FAR2: variants seen among roughly 807,000 people sequenced by gnomAD.
FAR2 encodes the protein epididymis secretory protein Li 81.
A neutral mutation model predicts 56.0 loss-of-function variants in FAR2; 19 were observed. That is an observed-to-expected ratio of 0.34 (90% CI 0.24 to 0.50). The LOEUF is 0.50. Among genes scored for constraint, FAR2 ranks in the 20% least tolerant of loss-of-function variants. The pLI is 0.98. For synonymous variants in FAR2, 219 were observed against 218.8 expected, an observed-to-expected ratio of 1.00 and a Z score of -0.01; for missense variants, 508 against 642.2, an observed-to-expected ratio of 0.79 and a Z score of 2.26.
At chr12:29,289,546 G>A (rs1948928793) in intron 2 of FAR2, among the ~76,000 whole-genome samples, 1 of 152,120 alleles carries the variant, frequency 6.6e-6, no homozygotes, top group Admixed American at 6.5e-5. Flanking sequence ...AAATCAAAAT[G>A]GATTAAAGAC....
At chr12:29,299,384 T>C (rs1949124049) in intron 4 of FAR2, among the ~76,000 whole-genome samples, 1 of 152,110 alleles carries the variant, frequency 6.6e-6, no homozygotes, top group Non-Finnish European at 1.5e-5. Flanking sequence ...GAGGAAGAGC[T>C]GATTTATCTT....
chr12:29,315,429 A>C (rs1248718309), intron 8 of FAR2, among the ~76,000 whole-genome samples: 2 of 152,160 alleles, frequency 1.3e-5, no homozygotes, highest in Non-Finnish European at 2.9e-5. Flanking sequence ...AAATGAGATG[A>C]GATTCCACTG....
intron 1 of FAR2, among the ~76,000 whole-genome samples, chr12:29,218,451 C>A (rs1565475429): frequency 1.3e-5 from 2 of 151,444 alleles, no homozygotes; most frequent in African/African-American, 4.8e-5. Flanking sequence ...ATGATCCCAA[C>A]TGAAGCAAGG....
At chr12:29,278,252 T>A (rs1591921484) in intron 2 of FAR2, among the ~76,000 whole-genome samples, 1 of 151,920 alleles carries the variant, frequency 6.6e-6, no homozygotes, top group East Asian at 2.0e-4. Flanking sequence ...TCAATAGTTT[T>A]AATAAAATAT....
intron 1 of FAR2, among the ~76,000 whole-genome samples, chr12:29,265,203 G>C (rs1285941589): frequency 6.6e-6 from 1 of 152,140 alleles, no homozygotes; most frequent in Non-Finnish European, 1.5e-5. Context: ...AACCACAAAA[G>C]ACCCAGATCT....
intron 1 of FAR2, among the ~76,000 whole-genome samples, chr12:29,247,088 G>T (rs1178205637): frequency 6.6e-6 from 1 of 152,096 alleles, no homozygotes; most frequent in Non-Finnish European, 1.5e-5. Context: ...CTAAGAGACT[G>T]CCAATTTATT....
intron 11 of FAR2, chr12:29,333,404 T>C (rs546024164): frequency 3.3e-4 from 158 of 473,258 alleles, no homozygotes; most frequent in African/African-American, 2.5e-3. Flanking sequence ...TAGTTTCAAG[T>C]GGAGAGAGGT....
At chr12:29,232,594 G>A (rs1334559496) in intron 1 of FAR2, among the ~76,000 whole-genome samples, 15 of 152,032 alleles carry the variant, frequency 9.9e-5, no homozygotes, top group Admixed American at 9.8e-4. Flanking sequence ...AGGGTGTTCA[G>A]CATTTTCTTG....
intron 1 of FAR2, among the ~76,000 whole-genome samples, chr12:29,185,465 AT>A (rs963243095): frequency 4.1e-4 from 62 of 152,370 alleles, no homozygotes; most frequent in African/African-American, 1.4e-3. Flanking sequence ...CACCAGAAAA[AT>A]AAACTTCATA....
chr12:29,258,376 G>A (rs559866696), intron 1 of FAR2, among the ~76,000 whole-genome samples: 8 of 151,920 alleles, frequency 5.3e-5, no homozygotes, highest in South Asian at 4.2e-4. Flanking sequence ...CAAAAAAATC[G>A]CAGGGATATG....
At chr12:29,273,468 G>A (rs1948653183) in intron 2 of FAR2, among the ~76,000 whole-genome samples, 2 of 152,336 alleles carry the variant, frequency 1.3e-5, no homozygotes, top group South Asian at 2.1e-4. Context: ...GTGTAGGGCT[G>A]TGGGGACAAG....
intron 1 of FAR2, among the ~76,000 whole-genome samples, chr12:29,182,424 A>G (rs1278293583): frequency 6.6e-6 from 1 of 152,122 alleles, no homozygotes; most frequent in African/African-American, 2.4e-5. Context: ...ATTTTTACAC[A>G]GTGCTGGTTG....
At chr12:29,257,736 G>A (rs928537314) in intron 1 of FAR2, among the ~76,000 whole-genome samples, 24 of 152,032 alleles carry the variant, frequency 1.6e-4, no homozygotes, top group African/African-American at 5.6e-4. Flanking sequence ...GCGAGACCAC[G>A]AACCCACCAG....
In FAR2 at chr12:29,298,036, C is replaced by CA. The variant is rs71042980; in HGVS notation, c.545+856dup. ...GGGCAACAAGAGTGAAACTCCGTCT[C>CA]AAAAAAAAAAAAAAAAAAAAGAACT... is the stretch of plus-strand genomic sequence containing the variant. On this transcript the variant is annotated intron_variant, in intron 4 of 11. Transcript: ENST00000536681. Among the ~76,000 whole-genome samples, 266 of 123,472 alleles carry CA rather than the reference C, an allele frequency of 2.2e-3. 2 individuals carry two copies. Among genetic ancestry groups the CA allele is most frequent in the Middle Eastern group, 0.013 (3 of 224 alleles). 81.0% of individuals were successfully genotyped at this position (123,472 alleles called of 152,430 possible).
At position 29,180,826 on chromosome 12, in the gene FAR2, G is replaced by C. The variant is rs569674207; in HGVS notation, c.-39+31419G>C. Among the ~76,000 whole-genome samples the C allele has an allele frequency of 4.0e-5, 6 of 151,602 alleles. No individual in the cohort carries two copies. The South Asian group carries it at 1.3e-3, about 32-fold the overall frequency. ...CCATTCATACTCACAAAATATAAAA[G>C]CCTGAAAACCTCCAGATTGCCTGAG... is the stretch of plus-strand genomic sequence containing the variant. On this transcript the variant is annotated intron_variant, in intron 1 of 11. Coordinates refer to ENST00000536681, the MANE Select transcript of FAR2 (RefSeq NM_001271783.2).
At chr12:29,225,475 G>T (rs1434151541) in intron 1 of FAR2, among the ~76,000 whole-genome samples, 1 of 152,076 alleles carries the variant, frequency 6.6e-6, no homozygotes, top group Non-Finnish European at 1.5e-5. Context: ...TGTTGTTGTT[G>T]ATCAAAGCTT....
chr12:29,186,766 ATTTATTTATTTATTTAT>A lies in FAR2; in HGVS notation c.-39+37362_-39+37378del, dbSNP rs1950047103. 3.7e-3 allele frequency among the ~76,000 whole-genome samples: 61 copies of A among 16,674 alleles called. No homozygotes were observed. The East Asian group carries it at 0.085, about 23-fold the overall frequency. The allele number at this position is 16,674 out of a possible 152,430, so 10.9% of individuals were successfully genotyped here. On this transcript the variant is annotated intron_variant, in intron 1 of 11. Coordinates refer to ENST00000536681, the MANE Select transcript of FAR2 (RefSeq NM_001271783.2). The stretch of plus-strand genomic sequence containing the variant: ...TTAGTTCTTTATTTATTATTTATTT[ATTTATTTATTTATTTAT>A]TTATTTATTTATTTATTTATTTTGA...
chr12:29,154,421 TTTTTGTTTTG>T (rs5797306), intron 1 of FAR2, among the ~76,000 whole-genome samples: 18,112 of 150,212 alleles, frequency 0.12, 1,097 homozygotes, highest in African/African-American at 0.16. Context: ...TTTGTTTTTT[TTTTTGTTTTG>T]TTTTGTTTTG....
intron 1 of FAR2, among the ~76,000 whole-genome samples, chr12:29,190,354 G>A (rs1260385483): frequency 2.0e-5 from 3 of 151,102 alleles, no homozygotes; most frequent in Non-Finnish European, 4.4e-5. Flanking sequence ...TGAGTCCCAA[G>A]ACAAGACACT....
Sources: gnomAD v4.1 joint callset for allele counts (sites outside exome capture counted in the v4.1 genomes callset) on GRCh38, gnomAD v4.1.1 for gene constraint, MANE v1.5 for transcripts, NCBI Gene and HGNC (gene_info 2026-07-23, HGNC 2026-07-21) for gene names.